The following WNT7B variants were observed in gnomAD, a reference collection of about 807,000 sequenced individuals.
The protein encoded by WNT7B is Wnt family member 7B.
In WNT7B, 19 loss-of-function variants were observed where a neutral mutation model predicts 38.2. The ratio of observed to expected loss-of-function variants is 0.50; its 90% CI spans 0.35 to 0.73. The LOEUF is 0.73. WNT7B is among the 30% of genes least tolerant of loss of function. The pLI, the probability that WNT7B is intolerant of heterozygous loss-of-function variation, is 0.01. For missense variants in WNT7B, 423 were observed against 507.9 expected (o/e 0.83, Z 1.61); for synonymous variants, 243 against 209.3 (o/e 1.16, Z -1.39).
At position 45,976,813 on chromosome 22, in the gene WNT7B, G is replaced by T; in HGVS notation, c.-59C>A. 6.7e-7 allele frequency: 1 copy of T among 1,496,612 alleles called. No homozygotes were observed. Among genetic ancestry groups the T allele is most frequent in the South Asian group, 1.2e-5 (1 of 84,438 alleles). The allele number at this position is 1,496,612 out of a possible 1,614,324, so 92.7% of individuals were successfully genotyped here. A position where few individuals can be genotyped will look rare whatever the true frequency, so the allele number is the denominator to read the frequency against. ...GCGGCCGGAGGGGACGCGCGGGCCC[G>T]GCAGGGCCGGGCAGGGGCCAGGGGG... On this transcript the variant is annotated 5_prime_UTR_variant, in exon 1 of 4. Coordinates refer to ENST00000339464, the MANE Select transcript of WNT7B (RefSeq NM_058238.3). This position sits in a 1 kb window ranked among gnomAD's most constrained non-coding sequence, Gnocchi z 8.5.
chr22:45,969,392 G>A (rs1029108570), intron 1 of WNT7B, among the ~76,000 whole-genome samples: 5 of 152,216 alleles, frequency 3.3e-5, no homozygotes, highest in South Asian at 2.1e-4. Flanking sequence ...GGACAGAAGC[G>A]CAGCCTGGTC....
chr22:45,923,352 A>G lies in WNT7B; in HGVS notation c.571-17T>C. 1 of 1,585,764 alleles carries G rather than the reference A, an allele frequency of 6.3e-7. No homozygotes were observed. The highest frequency in any genetic ancestry group is 1.2e-5 in the South Asian group (1 of 86,826). On this transcript the variant is annotated splice_polypyrimidine_tract_variant and intron_variant, in intron 3 of 3. Transcript: ENST00000339464. ...CTCTAGAACCTGCGGGTGACAGGGAAGCTGCTCGGCACGGCATGGCCCAAG... is the reference window on the plus strand; with the variant it reads ...CTCTAGAACCTGCGGGTGACAGGGAGGCTGCTCGGCACGGCATGGCCCAAG...
At position 45,976,810 on chromosome 22, in the gene WNT7B, C is replaced by T. The variant is rs1381117302; in HGVS notation, c.-56G>A. On this transcript the variant is annotated 5_prime_UTR_variant, in exon 1 of 4. Transcript: ENST00000339464. This position sits in a 1 kb window ranked among gnomAD's most constrained non-coding sequence, Gnocchi z 8.5. ...GCGGCGGCCGGAGGGGACGCGCGGG[C>T]CCGGCAGGGCCGGGCAGGGGCCAGG... The T allele has an allele frequency of 6.6e-6, 10 of 1,525,422 alleles. No individual in the cohort carries two copies. Among genetic ancestry groups the T allele is most frequent in the Admixed American group, 5.7e-5 (3 of 53,010 alleles). The allele number at this position is 1,525,422 out of a possible 1,614,324, so 94.5% of individuals were successfully genotyped here. A position where few individuals can be genotyped will look rare whatever the true frequency, so the allele number is the denominator to read the frequency against.
intron 1 of WNT7B, among the ~76,000 whole-genome samples, chr22:45,963,868 C>T (rs1932250660): frequency 6.6e-6 from 1 of 152,178 alleles, no homozygotes; most frequent in African/African-American, 2.4e-5. Context: ...GGAGGCATCA[C>T]ACCGCACACC....
chr22:45,972,488 C>T (rs572554140), intron 1 of WNT7B: 1 of 184,124 alleles, frequency 5.4e-6, no homozygotes, highest in Non-Finnish European at 1.1e-5. Context: ...GGGCAGCGGG[C>T]GCGCCTTGGC....
At chr22:45,949,479 C>G (rs1931878148) in intron 2 of WNT7B, among the ~76,000 whole-genome samples, 1 of 152,200 alleles carries the variant, frequency 6.6e-6, no homozygotes, top group Admixed American at 6.5e-5. Flanking sequence ...CCCAACTACC[C>G]CCTGCAGTAA....
intron 1 of WNT7B, among the ~76,000 whole-genome samples, chr22:45,963,262 C>T (rs372184492): frequency 2.7e-4 from 41 of 152,214 alleles, no homozygotes; most frequent in African/African-American, 9.6e-4. Context: ...TTCCACATCC[C>T]CCTCACCTTT....
chr22:45,972,159 A>C, intron 1 of WNT7B: 1 of 590,950 alleles, frequency 1.7e-6, no homozygotes, highest in Admixed American at 2.7e-5. Context: ...ACTCACAAGT[A>C]GCTGCCGCTG....
intron 2 of WNT7B, among the ~76,000 whole-genome samples, chr22:45,943,002 G>A (rs1488966154): frequency 6.9e-6 from 1 of 144,446 alleles, no homozygotes; most frequent in Admixed American, 6.7e-5. Flanking sequence ...GTGTAGGCGT[G>A]TATGTGTGCA....
intron 3 of WNT7B, among the ~76,000 whole-genome samples, chr22:45,930,503 G>T (rs1033997984): frequency 1.3e-5 from 2 of 152,196 alleles, no homozygotes; most frequent in Non-Finnish European, 2.9e-5. Flanking sequence ...ATCTCCAGTG[G>T]GCGGGGCCCG....
At chr22:45,929,656 CCACCCACCCG>C in intron 3 of WNT7B, among the ~76,000 whole-genome samples, 1 of 111,272 alleles carries the variant, frequency 9.0e-6, no homozygotes, top group African/African-American at 3.8e-5. Context: ...ATCCATCCTT[CCACCCACCCG>C]CCCATCCTTC....
Position 45,922,576 on chromosome 22 carries a change from G to T in WNT7B, c.*280C>A. 1 of 473,358 alleles carries T rather than the reference G, an allele frequency of 2.1e-6. No individual in the cohort carries two copies. The highest frequency in any genetic ancestry group is 3.7e-6 in the Non-Finnish European group (1 of 267,180). The allele number at this position is 473,358 out of a possible 1,614,324, so 29.3% of individuals were successfully genotyped here. ...CCAGAGAGAAGAAAGAGAACTTGCC[G>T]GGCCCCGTCGGGGAGCACCAAGACC... On this transcript the variant is annotated 3_prime_UTR_variant, in exon 4 of 4. Coordinates refer to ENST00000339464, the MANE Select transcript of WNT7B (RefSeq NM_058238.3).
At chr22:45,926,104 C>T in intron 3 of WNT7B, 1 of 985,440 alleles carries the variant, frequency 1.0e-6, no homozygotes, top group Non-Finnish European at 1.2e-6. Flanking sequence ...GCCTACTGGG[C>T]CGCTGCTTGC....
At position 45,921,746 on chromosome 22, in the gene WNT7B, G is replaced by A. The variant is rs557918991; in HGVS notation, c.*1110C>T. 3 of 152,238 alleles carry A rather than the reference G, an allele frequency of 2.0e-5. No individual in the cohort carries two copies. Among genetic ancestry groups the A allele is most frequent in the Admixed American group, 2.0e-4 (3 of 15,288 alleles). 9.4% of individuals were successfully genotyped at this position (152,238 alleles called of 1,614,324 possible). On this transcript the variant is annotated 3_prime_UTR_variant, in exon 4 of 4. Transcript: ENST00000339464. Reference sequence around the variant, plus strand: ...TGGAACCTGACGTGGGTGATATTTTGATTTGCTTGATATTATTTTCTTTTC... The same window carrying A: ...TGGAACCTGACGTGGGTGATATTTTAATTTGCTTGATATTATTTTCTTTTC...
chr22:45,936,064 T>A, intron 2 of WNT7B: 1 of 985,360 alleles, frequency 1.0e-6, no homozygotes, highest in Non-Finnish European at 1.2e-6. Context: ...CAGAGCAGAC[T>A]ATATTCTGGC....
Position 45,930,027 on chromosome 22 carries a change from A to G in WNT7B, c.570+1071T>C, listed in dbSNP as rs557529298. 8.7e-5 allele frequency among the ~76,000 whole-genome samples: 13 copies of G among 148,684 alleles called. No individual in the cohort carries two copies. In the South Asian group the frequency reaches 2.6e-3, roughly 29 times the overall value. ...ATGATAACCTCCACATCTACAAGAG[A>G]AAGTCAAACCCCTGGCCTGGTGTTC... On this transcript the variant is annotated intron_variant, in intron 3 of 3. Transcript: ENST00000339464.
chr22:45,934,230 G>C (rs1367316540), intron 2 of WNT7B, among the ~76,000 whole-genome samples: 1 of 152,186 alleles, frequency 6.6e-6, no homozygotes, highest in Non-Finnish European at 1.5e-5. Context: ...GCCTGGGGTC[G>C]GGGGCCCTGG....
intron 1 of WNT7B, among the ~76,000 whole-genome samples, chr22:45,955,955 G>C (rs1197064207): frequency 6.6e-6 from 1 of 152,158 alleles, no homozygotes; most frequent in Non-Finnish European, 1.5e-5. Context: ...CCAGGTAGCG[G>C]GACGACCTTG....
intron 1 of WNT7B, among the ~76,000 whole-genome samples, chr22:45,953,122 CCGTGTCCGTGCCCGGCTTCCCCT>C (rs1343678115): frequency 1.3e-4 from 17 of 135,808 alleles, no homozygotes; most frequent in African/African-American, 4.3e-4. Flanking sequence ...CTCACAGTCA[CCGTGTCCGTGCCCGGCTTCCCCT>C]CACAGCCACC....
Sources: allele counts gnomAD v4.1 joint callset (sites outside exome capture counted in the v4.1 genomes callset), GRCh38; gene constraint gnomAD v4.1.1; non-coding constraint Gnocchi (gnomAD v3.1); transcripts MANE v1.5; gene names NCBI Gene and HGNC (gene_info 2026-07-23, HGNC 2026-07-21).